The following ROCK2 variants were observed in gnomAD, a reference collection of about 807,000 sequenced individuals.
The protein encoded by ROCK2 is rho-associated protein kinase 2.
ROCK2 carries 61 observed loss-of-function variants against 195.1 expected under a neutral mutation model. That is an observed-to-expected ratio of 0.31 (90% CI 0.25 to 0.39). The LOEUF (loss-of-function observed/expected upper bound fraction) is 0.39. ROCK2 is among the 10% of genes least tolerant of loss of function. The probability of loss-of-function intolerance (pLI) is 1.00; values close to 1 mark genes in which losing one functional copy is unlikely to be tolerated. For missense variants in ROCK2, 1,109 were observed against 1,637.4 expected (o/e 0.68, Z 5.57); for synonymous variants, 504 against 545.5 (o/e 0.92, Z 1.06).
intron 4 of ROCK2, among the ~76,000 whole-genome samples, chr2:11,236,508 A>T (rs1665210827): frequency 6.6e-6 from 1 of 152,124 alleles, no homozygotes; most frequent in South Asian, 2.1e-4. Flanking sequence ...CTTCCCCATC[A>T]CCTTGTTCAT....
At chr2:11,252,763 G>C (rs1158062282) in intron 3 of ROCK2, among the ~76,000 whole-genome samples, 1 of 152,030 alleles carries the variant, frequency 6.6e-6, no homozygotes, top group Non-Finnish European at 1.5e-5. Context: ...AGAACACGTG[G>C]ACACAGGGAG....
chr2:11,286,526 AAC>A lies in ROCK2; in HGVS notation c.324+11_324+12del, dbSNP rs1207834536. 2.0e-6 allele frequency: 3 copies of A among 1,521,730 alleles called. No homozygotes were observed. In the African/African-American group the frequency reaches 4.1e-5, roughly 21 times the overall value. 94.3% of individuals were successfully genotyped at this position (1,521,730 alleles called of 1,614,324 possible). ...ATGTCATAGAGAACAATAAGAACAA[AAC>A]ACTTTCTTACCAACTGCACTTCACC... On this transcript the variant is annotated intron_variant, in intron 3 of 32. Transcript: ENST00000315872.
At chr2:11,220,541 G>A (rs1184222524) in intron 9 of ROCK2, among the ~76,000 whole-genome samples, 1 of 152,126 alleles carries the variant, frequency 6.6e-6, no homozygotes, top group East Asian at 1.9e-4. Flanking sequence ...TAGATGCAGA[G>A]ACTACAGGCA....
In ROCK2 at chr2:11,317,612, ATTT is replaced by A. The variant is rs1553317464; in HGVS notation, c.141+26381_141+26383del. Reference sequence around the variant, plus strand: ...TATATATATATATATATATATATATATTTTTTTTTTTTTTTAATTATACTTTAA... The same window carrying A: ...TATATATATATATATATATATATATATTTTTTTTTTTTAATTATACTTTAA... On this transcript the variant is annotated intron_variant, in intron 1 of 32. Coordinates refer to ENST00000315872, the MANE Select transcript of ROCK2 (RefSeq NM_004850.5). Among the ~76,000 whole-genome samples, 47 of 19,292 alleles carry A rather than the reference ATTT, an allele frequency of 2.4e-3. 1 individual carries two copies. The highest frequency in any genetic ancestry group is 5.5e-3 in the South Asian group (2 of 364). 12.7% of individuals were successfully genotyped at this position (19,292 alleles called of 152,430 possible). A position where few individuals can be genotyped will look rare whatever the true frequency, so the allele number is the denominator to read the frequency against.
chr2:11,244,941 C>G (rs1665560110), intron 4 of ROCK2, among the ~76,000 whole-genome samples: 2 of 151,720 alleles, frequency 1.3e-5, no homozygotes, highest in African/African-American at 2.4e-5. Context: ...AAACCAAGAG[C>G]CCATGTTTAA....
Position 11,181,436 on chromosome 2 carries a change from A to C in ROCK2, c.*2001T>G, listed in dbSNP as rs925681772. 3 of 152,004 alleles carry C rather than the reference A, an allele frequency of 2.0e-5. No homozygotes were observed. The highest frequency in any genetic ancestry group is 7.2e-5 in the African/African-American group (3 of 41,424). The allele number at this position is 152,004 out of a possible 1,614,324, so 9.4% of individuals were successfully genotyped here. On this transcript the variant is annotated 3_prime_UTR_variant, in exon 33 of 33. Coordinates refer to ENST00000315872, the MANE Select transcript of ROCK2 (RefSeq NM_004850.5). ...CGGCATGCACGTCTAGTCTGAGCAC[A>C]GACAGCACAGCAGAGTGCAGACTGG... is the stretch of plus-strand genomic sequence containing the variant.
At chr2:11,329,796 A>G (rs1370959281) in intron 1 of ROCK2, among the ~76,000 whole-genome samples, 3 of 152,186 alleles carry the variant, frequency 2.0e-5, no homozygotes. Flanking sequence ...AAATTCTTTA[A>G]ATGTTCTCTT....
chr2:11,244,311 C>A (rs2148119169), intron 4 of ROCK2, among the ~76,000 whole-genome samples: 1 of 151,752 alleles, frequency 6.6e-6, no homozygotes, highest in South Asian at 2.1e-4. Context: ...TGGCCCTTTA[C>A]CAAAAAATGT....
At chr2:11,188,909 G>A (rs772513278) in intron 32 of ROCK2, among the ~76,000 whole-genome samples, 13 of 151,550 alleles carry the variant, frequency 8.6e-5, no homozygotes, top group Non-Finnish European at 1.8e-4. Context: ...TAGGGTGCAT[G>A]TCTGTAATCC....
intron 1 of ROCK2, chr2:11,308,739 T>C (rs1667942131): frequency 6.2e-7 from 1 of 1,612,140 alleles, no homozygotes; most frequent in Non-Finnish European, 8.5e-7. Context: ...GCAGCTATCT[T>C]CTTTGAATTC....
intron 2 of ROCK2, among the ~76,000 whole-genome samples, chr2:11,287,302 C>T (rs1667230129): frequency 6.6e-6 from 1 of 152,124 alleles, no homozygotes; most frequent in African/African-American, 2.4e-5. Flanking sequence ...GAAATGTCCA[C>T]AATTACAGAA....
rs1422594653 is a variant in ROCK2 at position 11,195,015 on chromosome 2, T to C, written c.3459A>G (p.Leu1153=). The C allele has an allele frequency of 1.9e-6, 3 of 1,568,634 alleles. No homozygotes were observed. In the Admixed American group the frequency reaches 5.4e-5, roughly 28 times the overall value. ...EADDGFPESR[L]EGWLSLPVRN... ...GTACAGGCAATGAAAGCCATCCTTC[T>C]AATCTTGATTCTACAAATAAGCACA... is the stretch of plus-strand genomic sequence containing the variant. Residue 1153 remains leucine (L), a synonymous_variant, in exon 28 of 33, where the codon TTA becomes TTG. Transcript: ENST00000315872.
At chr2:11,262,576 A>G (rs539743388) in intron 3 of ROCK2, among the ~76,000 whole-genome samples, 2 of 152,096 alleles carry the variant, frequency 1.3e-5, no homozygotes, top group East Asian at 3.9e-4. Context: ...CATGAGATCT[A>G]ATGGTTATTA....
intron 4 of ROCK2, 63 bp from the exon 5 acceptor site, chr2:11,236,025 A>C: frequency 7.3e-7 from 1 of 1,369,880 alleles, no homozygotes; most frequent in African/African-American, 1.5e-5. Context: ...TAATCAGAAC[A>C]AAAATTTAAA....
intron 1 of ROCK2, among the ~76,000 whole-genome samples, chr2:11,343,579 C>T (rs1669177772): frequency 6.6e-6 from 1 of 152,204 alleles, no homozygotes; most frequent in African/African-American, 2.4e-5. Flanking sequence ...CCAGTGAGTA[C>T]TCGCAACAGG....
rs1427608347 is a variant in ROCK2, at chr2:11,296,019, A to AGGG, written c.142-8284_142-8283insCCC. The stretch of plus-strand genomic sequence containing the variant: ...AGAGAGAGAGAGGAGAGAGAGAGAG[A>AGGG]GAGAGAGAGAGAGAGAGAGAGAGAG... On this transcript the variant is annotated intron_variant, in intron 1 of 32. Transcript: ENST00000315872. Among the ~76,000 whole-genome samples, 460 of 109,842 alleles carry AGGG rather than the reference A, an allele frequency of 4.2e-3. 3 individuals are homozygous for AGGG. The highest frequency in any genetic ancestry group is 0.011 in the African/African-American group (388 of 34,288). The allele number at this position is 109,842 out of a possible 152,430, so 72.1% of individuals were successfully genotyped here.
At position 11,192,590 on chromosome 2, in the gene ROCK2, G is replaced by A. The variant is rs769369881; in HGVS notation, c.3810C>T (p.Phe1270=). ...TCATACAAGCCTCACAGTTGGTTGG[G>A]AAATGATAAAGAGTAGGAATAAACT... ...GHEFIPTLYH[F]PTNCEACMKP... The change falls in exon 31 of 33, where the codon TTC becomes TTT. Residue 1270 remains phenylalanine, a synonymous_variant. Coordinates refer to ENST00000315872, the MANE Select transcript of ROCK2 (RefSeq NM_004850.5). This position sits in a 1 kb window ranked among gnomAD's most constrained non-coding sequence, Gnocchi z 5.0. 6.2e-7 allele frequency: 1 copy of A among 1,614,080 alleles called. No individual in the cohort carries two copies. The highest frequency in any genetic ancestry group is 1.1e-5 in the South Asian group (1 of 91,070).
At chr2:11,241,712 T>C (rs1409197778) in intron 4 of ROCK2, among the ~76,000 whole-genome samples, 1 of 152,182 alleles carries the variant, frequency 6.6e-6, no homozygotes, top group Non-Finnish European at 1.5e-5. Flanking sequence ...AATATCCATA[T>C]GGAAACACGT....
In ROCK2 at chr2:11,192,250, G is replaced by C; in HGVS notation, c.4061C>G (p.Ala1354Gly). ...AGATGATCGGGCAAAAGGGTCTGGA[G>C]CTGGGGGCTTTTTAGGTATCTTTTT... ...LVKKIPKKPP[A>G]PDPFARSSPR... Residue 1354 changes from alanine to glycine, a missense_variant, in exon 32 of 33, where the codon GCT becomes GGT. Coordinates refer to ENST00000315872, the MANE Select transcript of ROCK2 (RefSeq NM_004850.5). The surrounding 1 kb of genome is among the most constrained non-coding windows in gnomAD (Gnocchi z 5.0). 1 of 1,613,916 alleles carries C rather than the reference G, an allele frequency of 6.2e-7. No individual in the cohort carries two copies. Among genetic ancestry groups the C allele is most frequent in the Non-Finnish European group, 8.5e-7 (1 of 1,179,926 alleles).
Sources: gnomAD v4.1 joint callset for allele counts (sites outside exome capture counted in the v4.1 genomes callset) on GRCh38, gnomAD v4.1.1 for gene constraint, Gnocchi (gnomAD v3.1) non-coding constraint, MANE v1.5 for transcripts, NCBI Gene and HGNC (gene_info 2026-07-23, HGNC 2026-07-21) for gene names.